ATP6V0A1: variants seen among roughly 807,000 people sequenced by gnomAD.
ATP6V0A1 encodes the protein V-type proton ATPase 116 kDa subunit a 1.
Under a neutral mutation model 105.4 loss-of-function variants are expected in ATP6V0A1, and 43 were observed. The ratio of observed to expected loss-of-function variants is 0.41; its 90% confidence interval spans 0.32 to 0.53. ATP6V0A1 has a LOEUF of 0.53. Among genes scored for constraint, ATP6V0A1 ranks in the 20% least tolerant of loss-of-function variants. ATP6V0A1 has a pLI of 0.30. For synonymous variants in ATP6V0A1, 362 were observed against 372.8 expected (o/e 0.97, Z 0.33); for missense variants, 676 against 1,051.1 (o/e 0.64, Z 4.93).
At chr17:42,515,617 C>A (rs1291467559) in intron 21 of ATP6V0A1, among the ~76,000 whole-genome samples, 2 of 152,066 alleles carry the variant, frequency 1.3e-5, no homozygotes, top group African/African-American at 4.8e-5. Flanking sequence ...GAAACGCTGT[C>A]TCTACTAAAA....
In ATP6V0A1 at chr17:42,514,042, G is replaced by A. The variant is rs142083833; in HGVS notation, c.2248+64G>A. On this transcript the variant is annotated intron_variant, in intron 20 of 21. Transcript: ENST00000343619. ...CCCTCTGTGGGCGCACTGTCAGTTG[G>A]GGGGCTTAAGTCAAATGGAAATTAC... The A allele has an allele frequency of 9.4e-4, 1,427 of 1,520,204 alleles. 3 individuals carry two copies. The highest frequency in any genetic ancestry group is 4.5e-3 in the Middle Eastern group (26 of 5,830). 94.2% of individuals were successfully genotyped at this position (1,520,204 alleles called of 1,614,324 possible).
At chr17:42,499,429 C>T (rs1240208982) in intron 15 of ATP6V0A1, among the ~76,000 whole-genome samples, 2 of 151,796 alleles carry the variant, frequency 1.3e-5, no homozygotes, top group African/African-American at 4.8e-5. Flanking sequence ...CAAGATGGCA[C>T]CACTGCACTC....
chr17:42,467,602 T>C (rs995558177), intron 3 of ATP6V0A1, among the ~76,000 whole-genome samples: 1 of 152,236 alleles, frequency 6.6e-6, no homozygotes, highest in Admixed American at 6.5e-5. Flanking sequence ...GTCTCACTAG[T>C]GTGTTAAGTG....
chr17:42,494,244 A>AAG, intron 11 of ATP6V0A1, 90 bp from the exon 12 acceptor site: 3 of 1,236,366 alleles, frequency 2.4e-6, no homozygotes, highest in Non-Finnish European at 2.2e-6. Flanking sequence ...AAAAAAAAAA[A>AAG]GGGGGGTGGG....
At chr17:42,492,323 C>G (rs773572321) in intron 11 of ATP6V0A1, among the ~76,000 whole-genome samples, 2 of 151,804 alleles carry the variant, frequency 1.3e-5, no homozygotes, top group Non-Finnish European at 2.9e-5. Context: ...GAACCGACAT[C>G]ATGCCACTGC....
At chr17:42,480,811 A>G (rs1339431889) in intron 8 of ATP6V0A1, 62 bp downstream of exon 8, 2 of 1,445,758 alleles carry the variant, frequency 1.4e-6, no homozygotes, top group African/African-American at 2.8e-5. Flanking sequence ...TGAGTCTTAA[A>G]GTTCACAATA....
At chr17:42,500,431 A>G (rs959315685) in intron 15 of ATP6V0A1, among the ~76,000 whole-genome samples, 1 of 152,232 alleles carries the variant, frequency 6.6e-6, no homozygotes, top group Non-Finnish European at 1.5e-5. Context: ...CGGTGAGCCA[A>G]TATTGCACCA....
intron 17 of ATP6V0A1, chr17:42,503,007 G>A (rs1189700150): frequency 6.6e-6 from 1 of 152,296 alleles, no homozygotes; most frequent in Non-Finnish European, 1.5e-5. Flanking sequence ...TCACTGAGAT[G>A]ATGACAGAAG....
At chr17:42,460,641 C>G (rs2086292213) in intron 1 of ATP6V0A1, among the ~76,000 whole-genome samples, 1 of 152,176 alleles carries the variant, frequency 6.6e-6, no homozygotes, top group South Asian at 2.1e-4. Context: ...ATGGAAGTGA[C>G]TTTTCATCTG....
intron 21 of ATP6V0A1, 145 bp from the exon 22 acceptor site, chr17:42,520,882 G>T: frequency 1.4e-6 from 1 of 709,372 alleles, no homozygotes; most frequent in Non-Finnish European, 2.4e-6. Flanking sequence ...TGGGATCTCT[G>T]CACTCTGGGC....
At chr17:42,490,170 T>C (rs894421700) in intron 10 of ATP6V0A1, among the ~76,000 whole-genome samples, 1 of 152,216 alleles carries the variant, frequency 6.6e-6, no homozygotes, top group Non-Finnish European at 1.5e-5. Flanking sequence ...AAGGCAGATA[T>C]GGAGGCAGTT....
At chr17:42,474,546 A>G (rs971054112) in intron 5 of ATP6V0A1, among the ~76,000 whole-genome samples, 5 of 152,230 alleles carry the variant, frequency 3.3e-5, no homozygotes, top group Admixed American at 3.3e-4. Flanking sequence ...GCGTAGCAGC[A>G]GGCTCAGGTG....
At chr17:42,487,984 G>A (rs1171081355) in intron 10 of ATP6V0A1, among the ~76,000 whole-genome samples, 1 of 152,138 alleles carries the variant, frequency 6.6e-6, no homozygotes, top group Admixed American at 6.6e-5. Context: ...TTCATGGCCA[G>A]GGCATCAGTT....
chr17:42,495,077 T>C lies in ATP6V0A1; in HGVS notation c.1358T>C (p.Met453Thr). The change falls in exon 13 of 22, where the codon ATG (methionine) becomes ACG (threonine). Residue 453 changes from methionine to threonine, a missense_variant. Physicochemically the swap from Met to Thr is moderately conservative, Grantham distance 81 (BLOSUM62 -1). Coordinates refer to ENST00000343619, the MANE Select transcript of ATP6V0A1 (RefSeq NM_001130021.3). ...AGTGGTCGATACATTATTTTATTGA[T>C]GGGTGTGTTCTCCATGTACACTGGC... ...VFSGRYIILL[M>T]GVFSMYTGLI... 8.1e-6 allele frequency: 13 copies of C among 1,614,074 alleles called. No homozygotes were observed. Among genetic ancestry groups the C allele is most frequent in the Non-Finnish European group, 1.1e-5 (13 of 1,179,908 alleles).
At chr17:42,475,464 T>G (rs2088605292) in intron 5 of ATP6V0A1, among the ~76,000 whole-genome samples, 1 of 152,246 alleles carries the variant, frequency 6.6e-6, no homozygotes, top group South Asian at 2.1e-4. Context: ...TCAGGACAGC[T>G]TTGAATGTGG....
intron 21 of ATP6V0A1, chr17:42,519,554 T>C (rs1171654106): frequency 1.3e-5 from 2 of 152,240 alleles, no homozygotes; most frequent in African/African-American, 4.8e-5. Context: ...AATTCAAACC[T>C]AACACAAGTG....
Position 42,500,856 on chromosome 17 carries a change from T to TC in ATP6V0A1, c.1831dup (p.His611ProfsTer44). The TC allele has an allele frequency of 1.2e-6, 2 of 1,614,186 alleles. No homozygotes were observed. The highest frequency in any genetic ancestry group is 1.7e-6 in the Non-Finnish European group (2 of 1,180,018). The stretch of plus-strand genomic sequence containing the variant: ...TCTGAGAATGCACCAAGCCTTCTGA[T>TC]CCATTTCATAAACATGTTCCTCTTT... On this transcript the variant is annotated frameshift_variant, in exon 16 of 22. Coordinates refer to ENST00000343619, the MANE Select transcript of ATP6V0A1 (RefSeq NM_001130021.3). LOFTEE classifies it high-confidence loss of function.
In ATP6V0A1 at chr17:42,516,045, TCTC is replaced by T. The variant is rs1487400720; in HGVS notation, c.2420+1588_2420+1590del. ...CTCCCCAGAGGAGCACTCACACACT[TCTC>T]CTGTTTTACAAGCATAGGGGTCTGA... On this transcript the variant is annotated intron_variant, in intron 21 of 21. Transcript: ENST00000343619. Among the ~76,000 whole-genome samples, 4 of 152,114 alleles carry T rather than the reference TCTC, an allele frequency of 2.6e-5. No individual in the cohort carries two copies. The East Asian group carries it at 5.8e-4, about 22-fold the overall frequency.
chr17:42,480,821 A>T (rs2089403785), intron 8 of ATP6V0A1, 72 bp downstream of exon 8: 10 of 1,379,138 alleles, frequency 7.3e-6, no homozygotes, highest in Non-Finnish European at 1.0e-5. Context: ...AGTTCACAAT[A>T]GTGAAATACA....
Sources: gnomAD v4.1 joint callset for allele counts (sites outside exome capture counted in the v4.1 genomes callset) on GRCh38, gnomAD v4.1.1 for gene constraint, MANE v1.5 for transcripts, NCBI Gene and HGNC (gene_info 2026-07-23, HGNC 2026-07-21) for gene names.